Variants in CACNB2 observed in about 807,000 individuals in gnomAD.
CACNB2 encodes voltage-dependent L-type calcium channel subunit beta-2.
In CACNB2, 42 loss-of-function variants were observed where a neutral mutation model predicts 73.3. That is an observed-to-expected ratio of 0.57 (90% CI 0.45 to 0.74). The LOEUF is 0.74. CACNB2 is among the 30% of genes least tolerant of loss of function. CACNB2 has a pLI of 0.00. For missense variants in CACNB2, 940 were observed against 853.0 expected (o/e 1.10, Z -1.27); for synonymous variants, 348 against 310.3 (o/e 1.12, Z -1.28).
intron 3 of CACNB2, among the ~76,000 whole-genome samples, chr10:18,460,038 T>C (rs1284843531): frequency 6.6e-6 from 1 of 152,174 alleles, no homozygotes; most frequent in Non-Finnish European, 1.5e-5. Context: ...CATATTTGGG[T>C]TTCATTTAAG....
intron 6 of CACNB2, 48 bp from the exon 7 acceptor site, chr10:18,514,188 C>G (rs781336598): frequency 6.9e-6 from 11 of 1,598,960 alleles, no homozygotes; most frequent in Non-Finnish European, 9.4e-6. Context: ...TCTTTATAAC[C>G]TATTTTTCCT....
chr10:18,348,574 C>T (rs1031466386), intron 2 of CACNB2, among the ~76,000 whole-genome samples: 1 of 152,110 alleles, frequency 6.6e-6, no homozygotes, highest in Non-Finnish European at 1.5e-5. Flanking sequence ...AGTGCAGTGG[C>T]CTGATCTCGG....
At chr10:18,514,648 A>G (rs2133130081) in intron 7 of CACNB2, 1 of 1,222,752 alleles carries the variant, frequency 8.2e-7, no homozygotes, top group Non-Finnish European at 1.2e-6. Context: ...ATCAACAGCT[A>G]ATTGAGTTCA....
chr10:18,447,708 G>T (rs2132580773), intron 3 of CACNB2, among the ~76,000 whole-genome samples: 1 of 151,252 alleles, frequency 6.6e-6, no homozygotes, highest in East Asian at 1.9e-4. Flanking sequence ...AGAAATCTTG[G>T]AGTGACTTTG....
intron 3 of CACNB2, among the ~76,000 whole-genome samples, chr10:18,468,867 G>T (rs2048034415): frequency 6.6e-6 from 1 of 152,170 alleles, no homozygotes; most frequent in Non-Finnish European, 1.5e-5. Flanking sequence ...CCAAAGTGCT[G>T]GGATTACAGG....
At chr10:18,354,455 T>C (rs2041832635) in intron 2 of CACNB2, among the ~76,000 whole-genome samples, 1 of 152,062 alleles carries the variant, frequency 6.6e-6, no homozygotes, top group African/African-American at 2.4e-5. Flanking sequence ...GAGAGAAACA[T>C]GGCAGCCGAG....
intron 2 of CACNB2, among the ~76,000 whole-genome samples, 182 bp from the exon 3 acceptor site, chr10:18,401,742 C>T (rs977440729): frequency 2.6e-5 from 4 of 152,166 alleles, no homozygotes; most frequent in African/African-American, 7.2e-5. Context: ...CACAACTATT[C>T]TATTGAATGT....
At chr10:18,284,720 T>C (rs2038710508) in intron 2 of CACNB2, among the ~76,000 whole-genome samples, 1 of 152,216 alleles carries the variant, frequency 6.6e-6, no homozygotes, top group African/African-American at 2.4e-5. Flanking sequence ...ATTCTTATGA[T>C]GAAAATTGTT....
rs770561366 is a variant in CACNB2, at chr10:18,150,882, G to GTTTTTTTTTTTTTTTTTTTTT, written c.121_122insTTTTTTTTTTTTTTTTTTTTT (p.Gln40_Ser41insPhePhePhePhePhePhePhe). On this transcript the variant is annotated inframe_insertion and splice_region_variant. Transcript: ENST00000324631. ...TTTTTTTTTTTTTTTTTTTTTTTTA[G>GTTTTTTTTTTTTTTTTTTTTT]TCATATGGAAAAGGAGCCAGAAGGA... is the stretch of plus-strand genomic sequence containing the variant. The GTTTTTTTTTTTTTTTTTTTTT allele has an allele frequency of 3.2e-6, 1 of 310,774 alleles. No individual in the cohort carries two copies. The highest frequency in any genetic ancestry group is 4.8e-6 in the Non-Finnish European group (1 of 207,490). The allele number at this position is 310,774 out of a possible 1,614,324, so 19.3% of individuals were successfully genotyped here.
chr10:18,524,533 T>C (rs1489738124), intron 9 of CACNB2, among the ~76,000 whole-genome samples: 1 of 151,468 alleles, frequency 6.6e-6, no homozygotes, highest in Non-Finnish European at 1.5e-5. Context: ...TGGGCACCTG[T>C]AATCCCAGCT....
At chr10:18,413,810 T>A (rs2044772550) in intron 3 of CACNB2, among the ~76,000 whole-genome samples, 1 of 152,198 alleles carries the variant, frequency 6.6e-6, no homozygotes, top group African/African-American at 2.4e-5. Flanking sequence ...CAGTGATAAT[T>A]GAATAAGCTG....
At chr10:18,339,422 G>A (rs766730544) in intron 2 of CACNB2, among the ~76,000 whole-genome samples, 2 of 152,182 alleles carry the variant, frequency 1.3e-5, no homozygotes, top group Non-Finnish European at 2.9e-5. Context: ...TCAGGAGGCT[G>A]AGGCAGGAGA....
chr10:18,410,663 A>G (rs1164576087), intron 3 of CACNB2, among the ~76,000 whole-genome samples: 1 of 152,110 alleles, frequency 6.6e-6, no homozygotes, highest in African/African-American at 2.4e-5. Flanking sequence ...CAGGTGTGAA[A>G]CTAGAGGGCT....
rs2031499779 is a variant in CACNB2, at chr10:18,150,962, G to C, written c.200G>C (p.Ser67Thr). ...ACGTCATCTGATACTACCTCAAATA[G>C]TTTTGTTCGCCAGGTAAGAGTTTTA... is the stretch of plus-strand genomic sequence containing the variant. ...GSTSSDTTSN[S>T]FVRQGSADSY... Residue 67 changes from serine (S) to threonine (T), a missense_variant, in exon 2 of 14, where the codon AGT (serine) becomes ACT (threonine). Ser to Thr is a moderately conservative substitution (Grantham distance 58, BLOSUM62 1). Transcript: ENST00000324631. 1.3e-6 allele frequency: 2 copies of C among 1,535,784 alleles called. No individual in the cohort carries two copies. Among genetic ancestry groups the C allele is most frequent in the African/African-American group, 2.8e-5 (2 of 70,234 alleles).
At chr10:18,478,412 A>G (rs1428302418) in intron 3 of CACNB2, among the ~76,000 whole-genome samples, 16 of 152,176 alleles carry the variant, frequency 1.1e-4, no homozygotes, top group Non-Finnish European at 2.4e-4. Context: ...GAACTTATTA[A>G]AGATATCTGA....
In CACNB2 at chr10:18,207,672, G is replaced by A. The variant is rs576405018; in HGVS notation, c.213+56697G>A. On this transcript the variant is annotated intron_variant, in intron 2 of 13. Coordinates refer to ENST00000324631, the MANE Select transcript of CACNB2 (RefSeq NM_201596.3). ...AATTGCACACATTCATTTACCTTTTGACTAATTTTTGTTCTTTCTTTTCAA... is the reference window on the plus strand; with the variant it reads ...AATTGCACACATTCATTTACCTTTTAACTAATTTTTGTTCTTTCTTTTCAA... Among the ~76,000 whole-genome samples, 4 of 152,270 alleles carry A rather than the reference G, an allele frequency of 2.6e-5. No individual in the cohort carries two copies. In the East Asian group the frequency reaches 7.7e-4, roughly 29 times the overall value.
chr10:18,394,504 C>T (rs540022346), intron 2 of CACNB2, among the ~76,000 whole-genome samples: 1 of 152,110 alleles, frequency 6.6e-6, no homozygotes, highest in South Asian at 2.1e-4. Context: ...AATTTGACTG[C>T]TAAAGGTTTA....
chr10:18,425,496 G>A (rs889203149), intron 3 of CACNB2, among the ~76,000 whole-genome samples: 7 of 142,558 alleles, frequency 4.9e-5, no homozygotes, highest in African/African-American at 1.1e-4. Flanking sequence ...ACAGTACTTC[G>A]TTACTACAAA....
Position 18,509,436 on chromosome 10 carries a change from C to T in CACNB2, c.670+2889C>T, listed in dbSNP as rs537095122. Among the ~76,000 whole-genome samples, 81 of 152,310 alleles carry T rather than the reference C, an allele frequency of 5.3e-4. 2 individuals are homozygous for T. The highest frequency in any genetic ancestry group is 1.7e-3 in the African/African-American group (70 of 41,572). On this transcript the variant is annotated intron_variant, in intron 6 of 13. Coordinates refer to ENST00000324631, the MANE Select transcript of CACNB2 (RefSeq NM_201596.3). The stretch of plus-strand genomic sequence containing the variant: ...AATACATACATCGCACCCACACACA[C>T]GTGTGTACATATGTGTCAAGCCCAA...
Sources: allele counts gnomAD v4.1 joint callset (sites outside exome capture counted in the v4.1 genomes callset), GRCh38; gene constraint gnomAD v4.1.1; transcripts MANE v1.5; gene names NCBI Gene and HGNC (gene_info 2026-07-23, HGNC 2026-07-21).